KLK14: variants seen among roughly 807,000 people sequenced by gnomAD.
The protein encoded by KLK14 is kallikrein-14.
In KLK14, 21 loss-of-function variants were observed where a neutral mutation model predicts 24.6. The observed-to-expected ratio is 0.85, with a 90% CI of 0.61 to 1.23. KLK14 has a LOEUF of 1.23. KLK14 is among the 50% of genes most tolerant of loss of function. The pLI is 0.00. For synonymous variants in KLK14, 133 were observed against 139.7 expected (o/e 0.95, Z 0.34); for missense variants, 320 against 338.9 (o/e 0.94, Z 0.44).
chr19:51,082,034 T>G (rs888476139), intron 2 of KLK14, among the ~76,000 whole-genome samples: 3 of 151,858 alleles, frequency 2.0e-5, no homozygotes, highest in Non-Finnish European at 4.4e-5. Flanking sequence ...TATGCCACAT[T>G]TCCCCCCAAT....
Position 51,082,578 on chromosome 19 carries a change from T to C in KLK14, c.37A>G (p.Ile13Val). 6.2e-7 allele frequency: 1 copy of C among 1,613,920 alleles called. No homozygotes were observed. Among genetic ancestry groups the C allele is most frequent in the Non-Finnish European group, 8.5e-7 (1 of 1,179,972 alleles). Residue 13 changes from isoleucine (I) to valine (V), a missense_variant, in exon 2 of 6, where the codon ATA becomes GTA. Coordinates refer to ENST00000650543, the MANE Select transcript of KLK14 (RefSeq NM_001369775.2). The part of the protein sequence containing the change: ...LLLTALQVLA[I>V]AMTQSQEDEN... ...TCATACCCAACCGTTCTCTTACCTA[T>C]AGCCAGGACTTGAAGTGCTGTCAGC...
chr19:51,078,884 G>C lies in KLK14; in HGVS notation c.534C>G (p.Ala178=). The change falls in exon 5 of 6, where the codon GCC becomes GCG. Residue 178 remains alanine, a synonymous_variant. Transcript: ENST00000650543. The surrounding 1 kb of genome is among the most constrained non-coding windows in gnomAD (Gnocchi z 5.0). Reference sequence around the variant, plus strand: ...TGCCAGGCGTGATGGTTCTAGGATAGGCCTTCTGGCACACCTCATCCGGGG... The same window carrying C: ...TGCCAGGCGTGATGGTTCTAGGATACGCCTTCTGGCACACCTCATCCGGGG... The part of the protein sequence containing the change: ...NISPDEVCQK[A]YPRTITPGMV... 1 of 1,614,040 alleles carries C rather than the reference G, an allele frequency of 6.2e-7. No homozygotes were observed. Among genetic ancestry groups the C allele is most frequent in the African/African-American group, 1.3e-5 (1 of 75,030 alleles).
chr19:51,082,539 G>T, intron 2 of KLK14, 36 bp downstream of exon 2: 1 of 1,606,142 alleles, frequency 6.2e-7, no homozygotes, highest in South Asian at 1.1e-5. Flanking sequence ...GAGTCTCCAG[G>T]GGACCCCCTT....
upstream of KLK14, among the ~76,000 whole-genome samples, chr19:51,083,387 A>AGAGAGAGAGAGAGATG (rs1568599521): frequency 1.3e-4 from 9 of 68,168 alleles, no homozygotes; most frequent in African/African-American, 6.5e-4. Flanking sequence ...GACGGGGGGG[A>AGAGAGAGAGAGAGATG]GAGAGAGAGA....
upstream of KLK14, chr19:51,083,006 A>T: frequency 1.8e-6 from 1 of 558,484 alleles, no homozygotes; most frequent in Non-Finnish European, 3.2e-6. Flanking sequence ...CCATTCCAGG[A>T]CTCCCTGATC....
At chr19:51,082,205 C>T (rs2091844277) in intron 2 of KLK14, among the ~76,000 whole-genome samples, 1 of 152,090 alleles carries the variant, frequency 6.6e-6, no homozygotes, top group African/African-American at 2.4e-5. Flanking sequence ...TCCCGCCATC[C>T]CATCATCCTT....
In KLK14 at chr19:51,079,814, G is replaced by C; in HGVS notation, c.213-112C>G. The C allele has an allele frequency of 2.8e-6, 4 of 1,431,598 alleles. No homozygotes were observed. The South Asian group carries it at 5.6e-5, about 20-fold the overall frequency. The allele number at this position is 1,431,598 out of a possible 1,614,324, so 88.7% of individuals were successfully genotyped here. On this transcript the variant is annotated intron_variant, in intron 3 of 5. Transcript: ENST00000650543. ...ACGAGTCTTCCCCGAGGTCTAGCCT[G>C]CTTCTCACTAACTGCAGGCCGAGCA...
chr19:51,079,875 C>T (rs540929208), intron 3 of KLK14, among the ~76,000 whole-genome samples, 173 bp from the exon 4 acceptor site: 1 of 152,246 alleles, frequency 6.6e-6, no homozygotes, highest in African/African-American at 2.4e-5. Context: ...ATGGCCAGGG[C>T]ATTCTCTCGG....
intron 2 of KLK14, 119 bp downstream of exon 2, chr19:51,082,456 C>T: frequency 3.3e-6 from 3 of 899,804 alleles, no homozygotes; most frequent in Non-Finnish European, 5.2e-6. Context: ...ACCCCCAAAC[C>T]ACTCCCTGCT....
rs752595730 is a variant in KLK14, at chr19:51,082,766, T to C, written c.-67A>G. 2 of 1,611,820 alleles carry C rather than the reference T, an allele frequency of 1.2e-6. No individual in the cohort carries two copies. The highest frequency in any genetic ancestry group is 4.5e-5 in the East Asian group (2 of 44,800). ...GGGACATGAAGACACAGCAGAGAGG[T>C]AGGGACCAGAGACGAGGGGGGCGGG... On this transcript the variant is annotated 5_prime_UTR_variant, in exon 1 of 6. Transcript: ENST00000650543.
intron 3 of KLK14, among the ~76,000 whole-genome samples, chr19:51,080,603 G>A (rs1224496127): frequency 6.6e-6 from 1 of 152,212 alleles, no homozygotes. Context: ...TGGGTTGTAA[G>A]TTCAGATCTA....
chr19:51,078,926 G>T lies in KLK14; in HGVS notation c.492C>A (p.Cys164Ter), dbSNP rs377230129. ...CATCCGGGGAGATGTTGATGTTCAC[G>T]CATTGCAGAGAGGCGGGGTACCTGG... ...PIARYPASLQ[C>*]VNINISPDEV... The change falls in exon 5 of 6, where the codon TGC (cysteine) becomes TGA (stop). Residue 164 changes from cysteine to a stop codon, truncating the protein, a stop_gained. Coordinates refer to ENST00000650543, the MANE Select transcript of KLK14 (RefSeq NM_001369775.2). LOFTEE classifies it high-confidence loss of function. This position sits in a 1 kb window ranked among gnomAD's most constrained non-coding sequence, Gnocchi z 5.0. 4 of 1,613,988 alleles carry T rather than the reference G, an allele frequency of 2.5e-6. No individual in the cohort carries two copies. The highest frequency in any genetic ancestry group is 3.4e-6 in the Non-Finnish European group (4 of 1,179,940).
chr19:51,081,827 C>CT, intron 2 of KLK14, 124 bp from the exon 3 acceptor site: 1 of 843,786 alleles, frequency 1.2e-6, no homozygotes, highest in Non-Finnish European at 1.8e-6. Context: ...CTGCCCGCCT[C>CT]TATCTGTCCC....
Position 51,078,263 on chromosome 19 carries a change from T to G in KLK14, c.604-104A>C. Reference sequence around the variant, plus strand: ...GACACAGGGAGACAGGCAGAGACACTGGTGGACAGTTAGGGACACAGTCCT... The same window carrying G: ...GACACAGGGAGACAGGCAGAGACACGGGTGGACAGTTAGGGACACAGTCCT... On this transcript the variant is annotated intron_variant, in intron 5 of 5. Transcript: ENST00000650543. This position sits in a 1 kb window ranked among gnomAD's most constrained non-coding sequence, Gnocchi z 5.0. 7 of 1,247,814 alleles carry G rather than the reference T, an allele frequency of 5.6e-6. No homozygotes were observed. Among genetic ancestry groups the G allele is most frequent in the African/African-American group, 1.5e-5 (1 of 67,430 alleles). 77.3% of individuals were successfully genotyped at this position (1,247,814 alleles called of 1,614,324 possible).
rs557349935 is a variant in KLK14 at position 51,078,700 on chromosome 19, G to C, written c.603+115C>G. ...GTGGCCTGGCTATCGGAATCTCTCT[G>C]TGCCTGCGGTTCACTCTCTTCTGAA... On this transcript the variant is annotated intron_variant, in intron 5 of 5. Transcript: ENST00000650543. This position sits in a 1 kb window ranked among gnomAD's most constrained non-coding sequence, Gnocchi z 5.0. 3.6e-6 allele frequency: 5 copies of C among 1,380,574 alleles called. No homozygotes were observed. Among genetic ancestry groups the C allele is most frequent in the Non-Finnish European group, 4.9e-6 (5 of 1,010,748 alleles). The allele number at this position is 1,380,574 out of a possible 1,614,324, so 85.5% of individuals were successfully genotyped here. A position where few individuals can be genotyped will look rare whatever the true frequency, so the allele number is the denominator to read the frequency against.
In KLK14 at chr19:51,078,069, C is replaced by G; in HGVS notation, c.694G>C (p.Gly232Arg). The change falls in exon 6 of 6, where the codon GGT (glycine) becomes CGT (arginine). Residue 232 changes from glycine to arginine, a missense_variant. Coordinates refer to ENST00000650543, the MANE Select transcript of KLK14 (RefSeq NM_001369775.2). This position sits in a 1 kb window ranked among gnomAD's most constrained non-coding sequence, Gnocchi z 5.0. ...TACTTGCACAGGTTGGTGTAGACACCGGGGTAGCCAGGCAGGGCGCAGCGC... is the reference window on the plus strand; with the variant it reads ...TACTTGCACAGGTTGGTGTAGACACGGGGGTAGCCAGGCAGGGCGCAGCGC... ...MERCALPGYP[G>R]VYTNLCKYRS... 1 of 1,613,908 alleles carries G rather than the reference C, an allele frequency of 6.2e-7. No individual in the cohort carries two copies. Among genetic ancestry groups the G allele is most frequent in the Non-Finnish European group, 8.5e-7 (1 of 1,179,882 alleles).
At chr19:51,082,541 G>A (rs754042567) in intron 2 of KLK14, 34 bp downstream of exon 2, 1 of 1,606,450 alleles carries the variant, frequency 6.2e-7, no homozygotes, top group South Asian at 1.1e-5. Context: ...GTCTCCAGGG[G>A]ACCCCCTTGT....
intron 2 of KLK14, among the ~76,000 whole-genome samples, chr19:51,082,124 A>G (rs2091843651): frequency 6.8e-6 from 1 of 148,020 alleles, no homozygotes; most frequent in African/African-American, 2.5e-5. Context: ...AGGATCCGCC[A>G]TCTCTTGCCC....
chr19:51,079,758 C>T, intron 3 of KLK14, 56 bp from the exon 4 acceptor site: 1 of 1,510,582 alleles, frequency 6.6e-7, no homozygotes, highest in Non-Finnish European at 8.8e-7. Context: ...AGACTCCTCC[C>T]CACCCTCCAG....
Sources: gnomAD v4.1 joint callset for allele counts (sites outside exome capture counted in the v4.1 genomes callset) on GRCh38, gnomAD v4.1.1 for gene constraint, Gnocchi (gnomAD v3.1) non-coding constraint, MANE v1.5 for transcripts, NCBI Gene and HGNC (gene_info 2026-07-23, HGNC 2026-07-21) for gene names.